The following C9orf85 variants were observed in gnomAD, a reference collection of about 807,000 sequenced individuals.
C9orf85 encodes uncharacterized protein C9orf85.
In C9orf85, 16 loss-of-function variants were observed where a neutral mutation model predicts 14.9. The ratio of observed to expected loss-of-function variants is 1.08; its 90% CI spans 0.73 to 1.63. C9orf85 has a LOEUF of 1.63. C9orf85 is among the 40% of genes most tolerant of loss of function. The pLI is 0.00. For missense variants in C9orf85, 172 were observed against 186.1 expected, an observed-to-expected ratio of 0.92 and a Z score of 0.44; for synonymous variants, 45 against 56.8, an observed-to-expected ratio of 0.79 and a Z score of 0.93.
At chr9:71,952,533 T>C (rs900360704) in intron 2 of C9orf85, among the ~76,000 whole-genome samples, 70 of 151,834 alleles carry the variant, frequency 4.6e-4, no homozygotes, top group Non-Finnish European at 1.0e-4. Context: ...CCCGGCTAAT[T>C]TTTTTTGTAT....
At chr9:71,918,276 CTAAT>C in intron 1 of C9orf85, 1 of 373,204 alleles carries the variant, frequency 2.7e-6, no homozygotes, top group Non-Finnish European at 4.7e-6. Context: ...TGAAGGAACA[CTAAT>C]TATATTAGTG....
chr9:71,951,921 T>C (rs1487753558), intron 2 of C9orf85, among the ~76,000 whole-genome samples: 2 of 152,128 alleles, frequency 1.3e-5, no homozygotes, highest in Non-Finnish European at 2.9e-5. Context: ...TTAAATAATT[T>C]GTATAAATCT....
chr9:71,976,463 C>T (rs1262509354), downstream of C9orf85, among the ~76,000 whole-genome samples: 2 of 152,068 alleles, frequency 1.3e-5, no homozygotes, highest in Admixed American at 1.3e-4. Context: ...GAGATCGAGA[C>T]CATCCTGGCT....
intron 2 of C9orf85, among the ~76,000 whole-genome samples, chr9:71,963,943 C>T (rs148000390): frequency 0.01 from 1,546 of 152,308 alleles, 19 homozygotes; most frequent in African/African-American, 0.036. Flanking sequence ...ACGGGACTGG[C>T]AGGCAGCTCC....
At chr9:71,926,380 A>G (rs1305867556) in intron 1 of C9orf85, among the ~76,000 whole-genome samples, 1 of 152,166 alleles carries the variant, frequency 6.6e-6, no homozygotes, top group Non-Finnish European at 1.5e-5. Context: ...AAATAACCAA[A>G]TGTGAATACT....
intron 1 of C9orf85, among the ~76,000 whole-genome samples, chr9:71,919,984 G>A (rs4744649): frequency 0.94 from 141,273 of 150,996 alleles, 66,724 homozygotes; most frequent in East Asian, 1. Flanking sequence ...CAAGTAGCTG[G>A]GATTACAGGT....
chr9:71,923,991 C>G (rs1402229558), intron 1 of C9orf85, among the ~76,000 whole-genome samples: 1 of 152,132 alleles, frequency 6.6e-6, no homozygotes, highest in Non-Finnish European at 1.5e-5. Context: ...GATACAGGTA[C>G]CCAGATGACC....
At chr9:71,953,992 C>T (rs895792208) in intron 2 of C9orf85, among the ~76,000 whole-genome samples, 10 of 151,234 alleles carry the variant, frequency 6.6e-5, no homozygotes, top group Non-Finnish European at 1.3e-4. Context: ...CCTAGCTGCT[C>T]GGGAGACTGA....
At chr9:71,929,161 T>A (rs1828010257) in intron 1 of C9orf85, among the ~76,000 whole-genome samples, 1 of 152,232 alleles carries the variant, frequency 6.6e-6, no homozygotes. Context: ...GAAGCAGATT[T>A]TTTTTAAAGA....
intron 1 of C9orf85, among the ~76,000 whole-genome samples, chr9:71,946,380 TTTCTA>T (rs1193322356): frequency 6.6e-6 from 1 of 152,228 alleles, no homozygotes; most frequent in Non-Finnish European, 1.5e-5. Flanking sequence ...AAGGTTTTCT[TTTCTA>T]TTATTATGTT....
chr9:71,915,658 CTG>C (rs1374877284), intron 1 of C9orf85, among the ~76,000 whole-genome samples: 2 of 152,182 alleles, frequency 1.3e-5, no homozygotes, highest in African/African-American at 4.8e-5. Context: ...GTGAAAGTCT[CTG>C]TTCCCAGTTT....
At chr9:71,929,719 T>C (rs1828025782) in intron 1 of C9orf85, among the ~76,000 whole-genome samples, 1 of 151,860 alleles carries the variant, frequency 6.6e-6, no homozygotes, top group South Asian at 2.1e-4. Flanking sequence ...GCAGTTAATA[T>C]ACCAGTGTTA....
intron 2 of C9orf85, among the ~76,000 whole-genome samples, chr9:71,948,030 T>C (rs558992665): frequency 6.6e-6 from 1 of 152,348 alleles, no homozygotes; most frequent in East Asian, 1.9e-4. Flanking sequence ...AGCTCAGCTG[T>C]GTAAGGACAA....
At chr9:71,946,565 C>T (rs1416600810) in intron 1 of C9orf85, among the ~76,000 whole-genome samples, 13 of 151,978 alleles carry the variant, frequency 8.6e-5, no homozygotes, top group African/African-American at 2.7e-4. Flanking sequence ...GAGGCCGAGG[C>T]GGGTGAATCA....
At chr9:71,984,022 C>T (rs1186588683), downstream of C9orf85, 1 of 152,190 alleles carries the variant, frequency 6.6e-6, no homozygotes, top group Non-Finnish European at 1.5e-5. Flanking sequence ...ATGATGAAAA[C>T]TGTTTATACA....
intron 2 of C9orf85, among the ~76,000 whole-genome samples, chr9:71,971,197 A>AT (rs1822852166): frequency 6.6e-6 from 1 of 151,898 alleles, no homozygotes; most frequent in South Asian, 2.1e-4. Flanking sequence ...TCTTTGGTAG[A>AT]TTGTTTCTTG....
intron 2 of C9orf85, among the ~76,000 whole-genome samples, chr9:71,963,080 T>C (rs985299068): frequency 2.0e-5 from 3 of 151,062 alleles, no homozygotes; most frequent in African/African-American, 7.2e-5. Flanking sequence ...GTTGTGTTAC[T>C]ATGACAACAG....
intron 1 of C9orf85, among the ~76,000 whole-genome samples, chr9:71,943,360 T>G (rs566614060): frequency 3.5e-4 from 54 of 152,264 alleles, no homozygotes; most frequent in Non-Finnish European, 6.5e-4. Context: ...GAAAAATTAT[T>G]TTAGTTGCTT....
At chr9:71,930,888 C>T (rs541210225) in intron 1 of C9orf85, among the ~76,000 whole-genome samples, 2 of 150,936 alleles carry the variant, frequency 1.3e-5, no homozygotes, top group South Asian at 4.2e-4. Flanking sequence ...TAGCATGTTC[C>T]TAATTTTAGA....
Sources: gnomAD v4.1 joint callset for allele counts (sites outside exome capture counted in the v4.1 genomes callset) on GRCh38, gnomAD v4.1.1 for gene constraint, MANE v1.5 for transcripts, NCBI Gene and HGNC (gene_info 2026-07-23, HGNC 2026-07-21) for gene names.